The following C6 variants were observed in gnomAD, a reference collection of about 807,000 sequenced individuals.
The protein encoded by C6 is complement C6, also known as complement component C6.
A neutral mutation model predicts 112.9 loss-of-function variants in C6; 101 were observed. That is an observed-to-expected ratio of 0.89 (90% confidence interval 0.76 to 1.06). The LOEUF is 1.06. Among genes scored for constraint, C6 ranks in the 50% least tolerant of loss-of-function variants. C6 has a pLI of 0.00. For synonymous variants in C6, 431 were observed against 384.1 expected (o/e 1.12, Z -1.43); for missense variants, 1,202 against 1,104.6 (o/e 1.09, Z -1.25).
At chr5:41,239,304 A>T (rs1033090410) in intron 1 of C6, among the ~76,000 whole-genome samples, 2 of 151,172 alleles carry the variant, frequency 1.3e-5, no homozygotes. Context: ...TAGAGATGGG[A>T]TTTTGCCATG....
intron 7 of C6, 49 bp downstream of exon 7, chr5:41,181,310 A>G (rs1749317969): frequency 6.7e-7 from 1 of 1,489,370 alleles, no homozygotes; most frequent in African/African-American, 1.4e-5. Flanking sequence ...TACTGGAATT[A>G]CTGTTAATTT....
At chr5:41,191,654 AT>A (rs555744753) in intron 5 of C6, among the ~76,000 whole-genome samples, 5 of 151,832 alleles carry the variant, frequency 3.3e-5, no homozygotes, top group Non-Finnish European at 5.9e-5. Flanking sequence ...ATTCCTAGGT[AT>A]TTTTTTGTAG....
intron 5 of C6, among the ~76,000 whole-genome samples, chr5:41,190,682 A>G (rs553880452): frequency 3.9e-5 from 6 of 152,222 alleles, no homozygotes; most frequent in East Asian, 3.9e-4. Context: ...TCTCACATCA[A>G]TGTTCTAAGG....
intron 1 of C6, among the ~76,000 whole-genome samples, chr5:41,206,857 A>C (rs182770125): frequency 6.6e-6 from 1 of 152,336 alleles, no homozygotes; most frequent in East Asian, 1.9e-4. Context: ...CAACATTCAA[A>C]TTCAGGAAAT....
Position 41,176,620 on chromosome 5 carries a change from T to C in C6, c.1023A>G (p.Ala341=), listed in dbSNP as rs774510396. 3.7e-6 allele frequency: 6 copies of C among 1,613,972 alleles called. No homozygotes were observed. The South Asian group carries it at 5.5e-5, about 15-fold the overall frequency. Residue 341 remains alanine, a synonymous_variant, in exon 8 of 18, where the codon GCA becomes GCG. Transcript: ENST00000337836. The stretch of plus-strand genomic sequence containing the variant: ...TGTATTCTAGAGGCAGATGGTTAAG[T>C]GCTTTCAAAAAGACATCAGAAAGGT... ...DLHLSDVFLK[A]LNHLPLEYNS...
intron 5 of C6, among the ~76,000 whole-genome samples, chr5:41,195,360 C>A (rs1455906247): frequency 6.6e-6 from 1 of 152,230 alleles, no homozygotes; most frequent in Non-Finnish European, 1.5e-5. Flanking sequence ...TTCAACCCAC[C>A]CATAGGCATA....
chr5:41,160,437 T>A (rs369148812), intron 10 of C6, 70 bp from the exon 11 acceptor site: 2 of 1,175,850 alleles, frequency 1.7e-6, no homozygotes, highest in Non-Finnish European at 1.3e-6. Flanking sequence ...TACTGCCCAG[T>A]TCTCTGAAAT....
At chr5:41,173,127 T>G (rs1332151144) in intron 8 of C6, among the ~76,000 whole-genome samples, 1 of 152,166 alleles carries the variant, frequency 6.6e-6, no homozygotes, top group Non-Finnish European at 1.5e-5. Context: ...CATTCATGTA[T>G]GGGAATTGGG....
intron 13 of C6, 71 bp downstream of exon 13, chr5:41,158,603 A>T (rs1415430738): frequency 2.5e-6 from 2 of 815,594 alleles, no homozygotes; most frequent in African/African-American, 1.7e-5. Context: ...CAGTAACTCT[A>T]ATTAAAAGAC....
intron 6 of C6, among the ~76,000 whole-genome samples, chr5:41,183,657 T>A (rs987696925): frequency 2.6e-5 from 4 of 152,128 alleles, no homozygotes; most frequent in African/African-American, 9.7e-5. Context: ...AACAAATTGT[T>A]CTACCAAAAA....
At chr5:41,177,391 G>A (rs558622607) in intron 7 of C6, among the ~76,000 whole-genome samples, 55 of 151,826 alleles carry the variant, frequency 3.6e-4, no homozygotes, top group Admixed American at 7.9e-4. Context: ...TTTTATGTCA[G>A]GTTAATTGAG....
At chr5:41,182,698 A>G (rs1329998228) in intron 6 of C6, among the ~76,000 whole-genome samples, 1 of 152,250 alleles carries the variant, frequency 6.6e-6, no homozygotes, top group Non-Finnish European at 1.5e-5. Context: ...TGCTAAAAGC[A>G]TGCCTAAAGA....
At chr5:41,180,680 T>G (rs926174258) in intron 7 of C6, among the ~76,000 whole-genome samples, 1 of 152,024 alleles carries the variant, frequency 6.6e-6, no homozygotes, top group African/African-American at 2.4e-5. Flanking sequence ...GCAATGGAAA[T>G]TAGAAGACAA....
intron 1 of C6, among the ~76,000 whole-genome samples, chr5:41,231,655 T>C (rs940980252): frequency 2.0e-5 from 3 of 152,100 alleles, no homozygotes; most frequent in Non-Finnish European, 4.4e-5. Flanking sequence ...GGTAAAATTC[T>C]CCATTTTGAC....
intron 1 of C6, among the ~76,000 whole-genome samples, chr5:41,231,168 T>A (rs1450549771): frequency 6.6e-6 from 1 of 152,176 alleles, no homozygotes; most frequent in Non-Finnish European, 1.5e-5. Flanking sequence ...ACTTAGCTAC[T>A]CTTTTAATTG....
Position 41,153,865 on chromosome 5 carries a change from T to C in C6, c.2235A>G (p.Thr745=), listed in dbSNP as rs901951770. 4 of 1,613,782 alleles carry C rather than the reference T, an allele frequency of 2.5e-6. No homozygotes were observed. Among genetic ancestry groups the C allele is most frequent in the South Asian group, 2.2e-5 (2 of 91,080 alleles). The change falls in exon 15 of 18, where the codon ACA becomes ACG. Residue 745 remains threonine, a synonymous_variant. Transcript: ENST00000337836. ...GFVVAGPSRY[T]CQGNSWTPPI... Reference sequence around the variant, plus strand: ...GTGGTGTCCAGGAATTCCCCTGGCATGTGTACCTTGATGGCCCAGCAACAA... The same window carrying C: ...GTGGTGTCCAGGAATTCCCCTGGCACGTGTACCTTGATGGCCCAGCAACAA...
intron 1 of C6, among the ~76,000 whole-genome samples, chr5:41,212,304 G>A (rs963354923): frequency 2.6e-5 from 4 of 151,958 alleles, no homozygotes; most frequent in Admixed American, 6.6e-5. Context: ...GGGATTACAG[G>A]CCCCTGCCAC....
intron 1 of C6, among the ~76,000 whole-genome samples, chr5:41,242,648 T>C (rs1282317560): frequency 3.9e-5 from 6 of 152,230 alleles, no homozygotes; most frequent in African/African-American, 1.4e-4. Flanking sequence ...AAATTATGTT[T>C]CATTTCAAAA....
chr5:41,211,634 C>G (rs896059712), intron 1 of C6, among the ~76,000 whole-genome samples: 1 of 151,906 alleles, frequency 6.6e-6, no homozygotes, highest in Non-Finnish European at 1.5e-5. Flanking sequence ...AAGCCACTCC[C>G]CTATACCCTT....
Sources: allele counts gnomAD v4.1 joint callset (sites outside exome capture counted in the v4.1 genomes callset), GRCh38; gene constraint gnomAD v4.1.1; transcripts MANE v1.5; gene names NCBI Gene and HGNC (gene_info 2026-07-23, HGNC 2026-07-21).